PPP3CA: variants seen among roughly 807,000 people sequenced by gnomAD.
The protein encoded by PPP3CA is protein phosphatase 3 catalytic subunit alpha.
In PPP3CA, 14 loss-of-function variants were observed where a neutral mutation model predicts 66.5. That is an observed-to-expected ratio of 0.21 (90% confidence interval 0.14 to 0.33). PPP3CA has a LOEUF of 0.33. PPP3CA is among the 10% of genes least tolerant of loss of function. The pLI is 1.00. For missense variants in PPP3CA, 317 were observed against 639.5 expected (o/e 0.50, Z 5.44); for synonymous variants, 232 against 226.2 (o/e 1.03, Z -0.23).
At chr4:101,033,279 C>CACACACACACAA (rs1560571125) in intron 11 of PPP3CA, among the ~76,000 whole-genome samples, 1 of 85,278 alleles carries the variant, frequency 1.2e-5, no homozygotes, top group East Asian at 2.6e-4. Context: ...CATAGAGACA[C>CACACACACACAA]ACACACACAC....
In PPP3CA at chr4:101,059,923, T is replaced by C. The variant is rs912163071; in HGVS notation, c.1156+1164A>G. Among the ~76,000 whole-genome samples, 78 of 152,120 alleles carry C rather than the reference T, an allele frequency of 5.1e-4. 1 individual carries two copies. Among genetic ancestry groups the C allele is most frequent in the African/African-American group, 1.8e-3 (76 of 41,426 alleles). ...GACTACTTAACAATACTGAACACAATGTCAATGCTATGTAGATAGTTGTTA... is the reference window on the plus strand; with the variant it reads ...GACTACTTAACAATACTGAACACAACGTCAATGCTATGTAGATAGTTGTTA... On this transcript the variant is annotated intron_variant, in intron 10 of 13. Coordinates refer to ENST00000394854, the MANE Select transcript of PPP3CA (RefSeq NM_000944.5).
intron 1 of PPP3CA, among the ~76,000 whole-genome samples, chr4:101,320,928 G>A (rs964394995): frequency 1.3e-5 from 2 of 152,090 alleles, no homozygotes; most frequent in African/African-American, 4.8e-5. Context: ...GGGTATTGTT[G>A]CTCCAGCATA....
chr4:101,268,098 G>C (rs899574679), intron 1 of PPP3CA, among the ~76,000 whole-genome samples: 2 of 151,964 alleles, frequency 1.3e-5, no homozygotes, highest in Admixed American at 6.6e-5. Context: ...CTTGAGTCCA[G>C]AAGTTTAAGG....
At chr4:101,247,679 A>G (rs1458120478) in intron 1 of PPP3CA, among the ~76,000 whole-genome samples, 1 of 152,182 alleles carries the variant, frequency 6.6e-6, no homozygotes, top group Non-Finnish European at 1.5e-5. Flanking sequence ...ATTAAGGTAT[A>G]ATCAGGAAAC....
At chr4:101,235,431 T>TCA (rs57851713) in intron 1 of PPP3CA, among the ~76,000 whole-genome samples, 11,653 of 148,192 alleles carry the variant, frequency 0.079, 1,428 homozygotes, top group African/African-American at 0.26. Flanking sequence ...AAACATACAC[T>TCA]CACACACACA....
intron 1 of PPP3CA, among the ~76,000 whole-genome samples, chr4:101,311,532 C>T (rs1193454619): frequency 6.6e-6 from 1 of 152,166 alleles, no homozygotes; most frequent in Non-Finnish European, 1.5e-5. Flanking sequence ...GTGATTCCAA[C>T]ACTTTGGGAG....
At chr4:101,053,781 C>G (rs1728108367) in intron 10 of PPP3CA, among the ~76,000 whole-genome samples, 6 of 152,022 alleles carry the variant, frequency 3.9e-5, no homozygotes, top group Admixed American at 1.3e-4. Flanking sequence ...TTCCTTTGCC[C>G]CTCTGTCTAA....
chr4:101,161,004 T>C (rs908338673), intron 2 of PPP3CA, among the ~76,000 whole-genome samples: 2 of 152,190 alleles, frequency 1.3e-5, no homozygotes, highest in Admixed American at 1.3e-4. Flanking sequence ...AAGGACATGC[T>C]GCCTACATGA....
intron 1 of PPP3CA, among the ~76,000 whole-genome samples, chr4:101,249,052 C>T (rs1726585122): frequency 1.3e-5 from 2 of 151,134 alleles, no homozygotes; most frequent in South Asian, 2.1e-4. Flanking sequence ...CCCAGCTACT[C>T]GGGAGGCTGA....
chr4:101,167,478 G>A (rs533220436), intron 2 of PPP3CA, among the ~76,000 whole-genome samples: 52 of 152,204 alleles, frequency 3.4e-4, no homozygotes, highest in Admixed American at 1.4e-3. Context: ...TATTGTTTTA[G>A]ACACTGGGAA....
At chr4:101,303,500 G>A (rs1342206978) in intron 1 of PPP3CA, among the ~76,000 whole-genome samples, 3 of 151,958 alleles carry the variant, frequency 2.0e-5, no homozygotes, top group Admixed American at 2.0e-4. Context: ...TTTCCCAAGT[G>A]TACGGTGATC....
chr4:101,092,611 G>C (rs1278861280), intron 6 of PPP3CA, among the ~76,000 whole-genome samples: 3 of 151,760 alleles, frequency 2.0e-5, no homozygotes, highest in Non-Finnish European at 4.4e-5. Context: ...GACAGGCCCT[G>C]GTGTGTGATG....
intron 13 of PPP3CA, among the ~76,000 whole-genome samples, chr4:101,026,688 T>A (rs973916905): frequency 2.3e-4 from 35 of 152,214 alleles, no homozygotes; most frequent in Non-Finnish European, 4.1e-4. Context: ...TGTCTCCACT[T>A]AACTTTGGAA....
rs1167162358 is a variant in PPP3CA at position 101,266,479 on chromosome 4, T to TA, written c.59-70364dup. Among the ~76,000 whole-genome samples, 158 of 152,330 alleles carry TA rather than the reference T, an allele frequency of 1.0e-3. 2 individuals are homozygous for TA. Among genetic ancestry groups the TA allele is most frequent in the African/African-American group, 3.7e-3 (155 of 41,592 alleles). On this transcript the variant is annotated intron_variant, in intron 1 of 13. Transcript: ENST00000394854. ...ACATTATAAAAATCAGTTACAGTAT[T>TA]ATATAGCGTGATTAATCTTTCTCAT...
At chr4:101,316,042 A>T (rs1728874465) in intron 1 of PPP3CA, among the ~76,000 whole-genome samples, 1 of 152,074 alleles carries the variant, frequency 6.6e-6, no homozygotes, top group African/African-American at 2.4e-5. Context: ...GGTAAGAAAC[A>T]TTTAAGGATA....
At chr4:101,303,233 T>G (rs573756800) in intron 1 of PPP3CA, among the ~76,000 whole-genome samples, 8 of 152,132 alleles carry the variant, frequency 5.3e-5, no homozygotes, top group Non-Finnish European at 1.2e-4. Context: ...TGGCCAAAAT[T>G]TATATGTAAA....
intron 12 of PPP3CA, 129 bp from the exon 13 acceptor site, chr4:101,029,324 C>A (rs1726813203): frequency 6.0e-6 from 2 of 332,240 alleles, no homozygotes; most frequent in South Asian, 4.6e-5. Flanking sequence ...TAGATTCTGG[C>A]ACAGACAACA....
intron 1 of PPP3CA, among the ~76,000 whole-genome samples, chr4:101,274,360 A>G (rs1041446919): frequency 6.6e-6 from 1 of 152,222 alleles, no homozygotes; most frequent in Non-Finnish European, 1.5e-5. Flanking sequence ...AAATATGTTC[A>G]TGTCTCAAAT....
intron 2 of PPP3CA, among the ~76,000 whole-genome samples, chr4:101,161,862 A>G (rs1222930136): frequency 6.6e-6 from 1 of 152,174 alleles, no homozygotes; most frequent in Non-Finnish European, 1.5e-5. Flanking sequence ...CAAAGTGATC[A>G]TTTTGTCACA....
Sources: gnomAD v4.1 joint callset for allele counts (sites outside exome capture counted in the v4.1 genomes callset) on GRCh38, gnomAD v4.1.1 for gene constraint, MANE v1.5 for transcripts, NCBI Gene and HGNC (gene_info 2026-07-23, HGNC 2026-07-21) for gene names.